Variants in PSMB2 observed in about 807,000 individuals in gnomAD.
PSMB2 encodes the protein proteasome subunit beta type-2.
Under a neutral mutation model 25.7 loss-of-function variants are expected in PSMB2, and 13 were observed. The observed-to-expected ratio is 0.51, with a 90% confidence interval of 0.33 to 0.80. The LOEUF is 0.80. Among genes scored for constraint, PSMB2 ranks in the 30% least tolerant of loss-of-function variants. PSMB2 has a pLI of 0.02. For missense variants in PSMB2, 202 were observed against 259.0 expected, an observed-to-expected ratio of 0.78 and a Z score of 1.51; for synonymous variants, 87 against 96.2, an observed-to-expected ratio of 0.90 and a Z score of 0.56.
chr1:35,627,258 C>CAAA (rs772688881), intron 3 of PSMB2, among the ~76,000 whole-genome samples: 28 of 36,386 alleles, frequency 7.7e-4, no homozygotes, highest in African/African-American at 9.8e-4. Context: ...GACCCTATCT[C>CAAA]AAAAAAAAAA....
chr1:35,641,312 C>T (rs763399826), intron 1 of PSMB2, 30 bp downstream of exon 1: 1 of 1,613,788 alleles, frequency 6.2e-7, no homozygotes, highest in Admixed American at 1.7e-5. Flanking sequence ...ACACCCCAGG[C>T]CTGGCCGGGC....
At chr1:35,641,267 A>G (rs999482623) in intron 1 of PSMB2, 75 bp downstream of exon 1, 1 of 1,573,310 alleles carries the variant, frequency 6.4e-7, no homozygotes, top group Non-Finnish European at 8.7e-7. Context: ...CCTGGTACTT[A>G]TTCAACCCCC....
chr1:35,626,622 A>G (rs891375282), intron 3 of PSMB2, among the ~76,000 whole-genome samples: 2 of 152,240 alleles, frequency 1.3e-5, no homozygotes, highest in African/African-American at 4.8e-5. Flanking sequence ...AAAGAGTTTG[A>G]TATTTGAAGC....
At chr1:35,623,767 A>G (rs933015896) in intron 3 of PSMB2, among the ~76,000 whole-genome samples, 1 of 152,254 alleles carries the variant, frequency 6.6e-6, no homozygotes, top group Non-Finnish European at 1.5e-5. Context: ...GTGCTGCGTC[A>G]TGTCACATCC....
Position 35,601,363 on chromosome 1 carries a change from C to T in PSMB2, c.*1904G>A, listed in dbSNP as rs537591118. 1.6e-4 allele frequency: 161 copies of T among 985,024 alleles called. No homozygotes were observed. The South Asian group carries it at 1.7e-3, about 11-fold the overall frequency. 61.0% of individuals were successfully genotyped at this position (985,024 alleles called of 1,614,324 possible). On this transcript the variant is annotated 3_prime_UTR_variant, in exon 6 of 6. Coordinates refer to ENST00000373237, the MANE Select transcript of PSMB2 (RefSeq NM_002794.5). ...TGCTGGGATTACAGGCATGAGCCAC[C>T]GCACCCGGCCAACCTGTGGCACTTT...
chr1:35,609,290 C>A lies in PSMB2; in HGVS notation c.404G>T (p.Gly135Val). The A allele has an allele frequency of 6.2e-7, 1 of 1,612,774 alleles. No homozygotes were observed. The highest frequency in any genetic ancestry group is 8.5e-7 in the Non-Finnish European group (1 of 1,179,334). Residue 135 changes from glycine to valine, a missense_variant, in exon 4 of 6, where the codon GGT (glycine) becomes GTT (valine). Coordinates refer to ENST00000373237, the MANE Select transcript of PSMB2 (RefSeq NM_002794.5). ...GAGGATACTGAGAGTCAGGAAGGCA[C>A]CATAGCCGTGGGCTGCAAAAGGGGC... ...AKAPFAAHGY[G>V]AFLTLSILDR...
At chr1:35,607,060 A>T (rs1005650985) in intron 4 of PSMB2, among the ~76,000 whole-genome samples, 3 of 152,224 alleles carry the variant, frequency 2.0e-5, no homozygotes, top group African/African-American at 7.2e-5. Flanking sequence ...CTCAAAATGG[A>T]TCAAAGACCT....
chr1:35,615,061 A>G (rs569571218), intron 3 of PSMB2, among the ~76,000 whole-genome samples: 1 of 152,234 alleles, frequency 6.6e-6, no homozygotes, highest in Non-Finnish European at 1.5e-5. Context: ...AATGCCTGAT[A>G]TATTGTAATA....
chr1:35,625,241 A>C (rs1390244040), intron 3 of PSMB2, among the ~76,000 whole-genome samples: 1 of 152,196 alleles, frequency 6.6e-6, no homozygotes, highest in Non-Finnish European at 1.5e-5. Flanking sequence ...AAGGCTCATG[A>C]AACACTTCGG....
intron 3 of PSMB2, among the ~76,000 whole-genome samples, chr1:35,616,993 G>A (rs1650508883): frequency 1.3e-5 from 2 of 152,158 alleles, no homozygotes; most frequent in South Asian, 4.1e-4. Flanking sequence ...AAAAGACTAT[G>A]GTTCTATGGA....
At chr1:35,638,094 T>C (rs1021381438) in intron 1 of PSMB2, among the ~76,000 whole-genome samples, 3 of 152,198 alleles carry the variant, frequency 2.0e-5, no homozygotes, top group Non-Finnish European at 2.9e-5. Flanking sequence ...AAAGAACTTA[T>C]GTCACACTTA....
chr1:35,634,675 G>A (rs1252180433), intron 2 of PSMB2, among the ~76,000 whole-genome samples: 1 of 152,052 alleles, frequency 6.6e-6, no homozygotes, highest in Non-Finnish European at 1.5e-5. Flanking sequence ...CACTGTGCCT[G>A]GCCAGGTTCA....
intron 2 of PSMB2, among the ~76,000 whole-genome samples, chr1:35,631,776 T>G (rs1260952294): frequency 6.6e-6 from 1 of 152,174 alleles, no homozygotes; most frequent in East Asian, 1.9e-4. Flanking sequence ...ATCCTAGAGC[T>G]TTGGGAAGCC....
chr1:35,628,609 ATATATATATATATATATATATATTTT>A (rs1650973693), intron 3 of PSMB2, among the ~76,000 whole-genome samples: 2 of 25,158 alleles, frequency 7.9e-5, no homozygotes, highest in African/African-American at 2.1e-4. Context: ...ATATATATAT[ATATATATATATATATATATATATTTT>A]TTTTTTTTTT....
rs1650047809 is a variant in PSMB2 at position 35,602,948 on chromosome 1, AATAT to A, written c.*315_*318del. On this transcript the variant is annotated 3_prime_UTR_variant, in exon 6 of 6. Transcript: ENST00000373237. Reference sequence around the variant, plus strand: ...AGAGAATGGAGATACTAGCAAGTAAAATATATGAAAGAGCTAGTTGGAAAGGAAG... The same window carrying A: ...AGAGAATGGAGATACTAGCAAGTAAAATGAAAGAGCTAGTTGGAAAGGAAG... The A allele has an allele frequency of 9.5e-7, 1 of 1,047,232 alleles. No individual in the cohort carries two copies. The highest frequency in any genetic ancestry group is 4.9e-5 in the Admixed American group (1 of 20,400). 64.9% of individuals were successfully genotyped at this position (1,047,232 alleles called of 1,614,324 possible). A position where few individuals can be genotyped will look rare whatever the true frequency, so the allele number is the denominator to read the frequency against.
At chr1:35,632,965 C>G (rs922942298) in intron 2 of PSMB2, among the ~76,000 whole-genome samples, 1 of 151,944 alleles carries the variant, frequency 6.6e-6, no homozygotes, top group Non-Finnish European at 1.5e-5. Context: ...CACCTGTAAT[C>G]CCAGAACACT....
intron 5 of PSMB2, 128 bp from the exon 6 acceptor site, chr1:35,603,502 G>A: frequency 8.6e-7 from 1 of 1,157,272 alleles, no homozygotes; most frequent in Non-Finnish European, 1.2e-6. Context: ...TATTCTACTG[G>A]AGGCAGTTGG....
In PSMB2 at chr1:35,602,925, A is replaced by G; in HGVS notation, c.*342T>C. 9.8e-7 allele frequency: 1 copy of G among 1,023,510 alleles called. No homozygotes were observed. Among genetic ancestry groups the G allele is most frequent in the Non-Finnish European group, 1.2e-6 (1 of 852,254 alleles). The allele number at this position is 1,023,510 out of a possible 1,614,324, so 63.4% of individuals were successfully genotyped here. ...GGCAAAAAGAACCACTACTTTAGAG[A>G]GAATGGAGATACTAGCAAGTAAAAT... On this transcript the variant is annotated 3_prime_UTR_variant, in exon 6 of 6. Coordinates refer to ENST00000373237, the MANE Select transcript of PSMB2 (RefSeq NM_002794.5).
Position 35,611,661 on chromosome 1 carries a change from G to A in PSMB2, c.286-2253C>T, listed in dbSNP as rs181650801. 1.7e-3 allele frequency among the ~76,000 whole-genome samples: 265 copies of A among 151,922 alleles called. 1 individual carries two copies. Among genetic ancestry groups the A allele is most frequent in the African/African-American group, 5.5e-3 (227 of 41,440 alleles). Reference sequence around the variant, plus strand: ...CAACATGGTGAAATATTGTCTCTACGAAAAATACAAAAATTAGCCATGCGT... The same window carrying A: ...CAACATGGTGAAATATTGTCTCTACAAAAAATACAAAAATTAGCCATGCGT... On this transcript the variant is annotated intron_variant, in intron 3 of 5. Coordinates refer to ENST00000373237, the MANE Select transcript of PSMB2 (RefSeq NM_002794.5).
Sources: gnomAD v4.1 joint callset for allele counts (sites outside exome capture counted in the v4.1 genomes callset) on GRCh38, gnomAD v4.1.1 for gene constraint, MANE v1.5 for transcripts, NCBI Gene and HGNC (gene_info 2026-07-23, HGNC 2026-07-21) for gene names.